Variants in HOXC9 observed in about 807,000 individuals in gnomAD.
HOXC9 encodes the protein homeobox C9.
A neutral mutation model predicts 20.0 loss-of-function variants in HOXC9; 10 were observed. That is an observed-to-expected ratio of 0.50 (90% CI 0.31 to 0.85). The LOEUF (loss-of-function observed/expected upper bound fraction) is 0.85, where lower values mean the gene tolerates loss of function less well. Among genes scored for constraint, HOXC9 ranks in the 40% least tolerant of loss-of-function variants. HOXC9 has a pLI of 0.05. For synonymous variants in HOXC9, 200 were observed against 163.7 expected (o/e 1.22, Z -1.69); for missense variants, 394 against 376.7 (o/e 1.05, Z -0.38).
intron 1 of HOXC9, among the ~76,000 whole-genome samples, chr12:54,001,706 C>T (rs185290082): frequency 2.6e-5 from 4 of 152,210 alleles, no homozygotes; most frequent in Admixed American, 6.5e-5. Flanking sequence ...TGAAGGCTTC[C>T]CTCCCTGCCC....
At chr12:54,001,846 C>A (rs1005614969) in intron 1 of HOXC9, among the ~76,000 whole-genome samples, 2 of 152,132 alleles carry the variant, frequency 1.3e-5, no homozygotes, top group Non-Finnish European at 2.9e-5. Flanking sequence ...CCAAGGCCAG[C>A]GGCTCTCTGG....
chr12:54,001,432 A>C (rs1159177783), intron 1 of HOXC9, among the ~76,000 whole-genome samples: 3 of 142,344 alleles, frequency 2.1e-5, no homozygotes, highest in Non-Finnish European at 4.6e-5. Context: ...AGAATTCTAC[A>C]CACACACACA....
In HOXC9 at chr12:54,002,857, G is replaced by A. The variant is rs1181631742; in HGVS notation, c.*183G>A. 4 of 636,342 alleles carry A rather than the reference G, an allele frequency of 6.3e-6. No homozygotes were observed. Among genetic ancestry groups the A allele is most frequent in the Non-Finnish European group, 7.6e-6 (3 of 396,690 alleles). 39.4% of individuals were successfully genotyped at this position (636,342 alleles called of 1,614,324 possible). A position where few individuals can be genotyped will look rare whatever the true frequency, so the allele number is the denominator to read the frequency against. On this transcript the variant is annotated 3_prime_UTR_variant, in exon 2 of 2. Transcript: ENST00000303450. ...AACTCTTGCGATTTGGGAGGGTTCA[G>A]TGTTGAGATATTGGTGTTTTAGAGT...
chr12:54,001,721 C>T (rs926017429), intron 1 of HOXC9, among the ~76,000 whole-genome samples: 1 of 152,110 alleles, frequency 6.6e-6, no homozygotes, highest in Non-Finnish European at 1.5e-5. Context: ...CTGCCCTCAG[C>T]TACTCCCATA....
chr12:54,000,815 G>A (rs1002918458), intron 1 of HOXC9, 89 bp downstream of exon 1: 76 of 1,222,684 alleles, frequency 6.2e-5, no homozygotes, highest in Admixed American at 1.4e-4. Flanking sequence ...CTCCCGAACC[G>A]TGCAGGGAGC....
In HOXC9 at chr12:54,000,445, T is replaced by TCGGCGC. The variant is rs1353488569; in HGVS notation, c.260_265dup (p.Gly87_Ala88dup). Reference sequence around the variant, plus strand: ...CACCCGTACGGCCCCCAGCCCCACCTCGGCGCCGACACGCGCTACATGCGG... The same window carrying TCGGCGC: ...CACCCGTACGGCCCCCAGCCCCACCTCGGCGCCGGCGCCGACACGCGCTACATGCGG... On this transcript the variant is annotated inframe_insertion, in exon 1 of 2. Transcript: ENST00000303450. The TCGGCGC allele has an allele frequency of 6.2e-7, 1 of 1,605,834 alleles. No individual in the cohort carries two copies. The highest frequency in any genetic ancestry group is 1.3e-5 in the African/African-American group (1 of 75,028).
intron 1 of HOXC9, among the ~76,000 whole-genome samples, chr12:54,002,099 G>C (rs1473043592): frequency 6.6e-6 from 1 of 152,096 alleles, no homozygotes; most frequent in Non-Finnish European, 1.5e-5. Context: ...ACAAGAGAGA[G>C]AAGCGTTTAT....
Position 54,002,628 on chromosome 12 carries a change from A to C in HOXC9, c.737A>C (p.Lys246Thr), listed in dbSNP as rs759123272. The C allele has an allele frequency of 6.2e-7, 1 of 1,614,140 alleles. No homozygotes were observed. Among genetic ancestry groups the C allele is most frequent in the Non-Finnish European group, 8.5e-7 (1 of 1,179,998 alleles). Residue 246 changes from lysine to threonine, a missense_variant, in exon 2 of 2, where the codon AAG becomes ACG. Physicochemically the swap from Lys to Thr is moderately conservative, Grantham distance 78. Coordinates refer to ENST00000303450, the MANE Select transcript of HOXC9 (RefSeq NM_006897.3). ...VKIWFQNRRM[K>T]MKKMNKEKTD... Reference sequence around the variant, plus strand: ...ATCTGGTTTCAGAATCGAAGGATGAAGATGAAAAAGATGAATAAAGAGAAA... The same window carrying C: ...ATCTGGTTTCAGAATCGAAGGATGACGATGAAAAAGATGAATAAAGAGAAA...
Position 54,000,355 on chromosome 12 carries a change from C to T in HOXC9, c.167C>T (p.Ala56Val), listed in dbSNP as rs1424545623. 21 of 1,613,812 alleles carry T rather than the reference C, an allele frequency of 1.3e-5. No homozygotes were observed. Among genetic ancestry groups the T allele is most frequent in the Non-Finnish European group, 1.5e-5 (18 of 1,180,052 alleles). Residue 56 changes from alanine (A) to valine (V), a missense_variant, in exon 1 of 2, where the codon GCG becomes GTG. Ala to Val is a moderately conservative substitution (Grantham distance 64). Transcript: ENST00000303450. ...AGCGATTTTCCGTCCTGTAGCTTCGCGCCCAAGCCGGCAGTGTTCAGCACG... is the reference window on the plus strand; with the variant it reads ...AGCGATTTTCCGTCCTGTAGCTTCGTGCCCAAGCCGGCAGTGTTCAGCACG... ...DCSDFPSCSF[A>V]PKPAVFSTSW...
Position 54,002,535 on chromosome 12 carries a change from T to C in HOXC9, c.644T>C (p.Met215Thr), listed in dbSNP as rs201378386. Residue 215 changes from methionine to threonine, a missense_variant, in exon 2 of 2, where the codon ATG (methionine) becomes ACG (threonine). By Grantham distance (81) the Met-to-Thr change is moderately conservative (BLOSUM62 -1). Coordinates refer to ENST00000303450, the MANE Select transcript of HOXC9 (RefSeq NM_006897.3). Reference protein sequence around the residue: ...LELEKEFLFNMYLTRDRRYEV... With the variant: ...LELEKEFLFNTYLTRDRRYEV... ...CTGGAGAAGGAGTTTCTCTTCAATA[T>C]GTATTTAACCAGGGACCGTCGGTAT... 346 of 1,614,184 alleles carry C rather than the reference T, an allele frequency of 2.1e-4. 3 individuals carry two copies. Among genetic ancestry groups the C allele is most frequent in the Non-Finnish European group, 2.7e-5 (32 of 1,180,038 alleles).
Position 54,002,473 on chromosome 12 carries a change from G to A in HOXC9, c.582G>A (p.Lys194=), listed in dbSNP as rs1434800823. The change falls in exon 2 of 2, where the codon AAG becomes AAA. Residue 194 remains lysine, a synonymous_variant. Coordinates refer to ENST00000303450, the MANE Select transcript of HOXC9 (RefSeq NM_006897.3). ...GGATTCACGCCCGCTCCACGAGGAA[G>A]AAGCGCTGCCCCTACACCAAGTACC... is the stretch of plus-strand genomic sequence containing the variant. ...ANWIHARSTR[K]KRCPYTKYQT... is the part of the protein sequence containing the mutation. The A allele has an allele frequency of 1.2e-6, 2 of 1,614,062 alleles. No homozygotes were observed. Among genetic ancestry groups the A allele is most frequent in the Non-Finnish European group, 1.7e-6 (2 of 1,180,028 alleles).
intron 1 of HOXC9, among the ~76,000 whole-genome samples, chr12:54,001,239 G>A (rs1288984996): frequency 1.3e-5 from 2 of 152,040 alleles, no homozygotes; most frequent in Non-Finnish European, 2.9e-5. Context: ...CAGGAGCACT[G>A]GGTGAGGGGT....
chr12:54,001,999 T>C (rs1438717634), intron 1 of HOXC9, among the ~76,000 whole-genome samples: 3 of 151,892 alleles, frequency 2.0e-5, no homozygotes, highest in African/African-American at 7.2e-5. Context: ...ACTGCTAAAA[T>C]TTCAGGACTT....
intron 1 of HOXC9, among the ~76,000 whole-genome samples, chr12:54,002,194 G>A (rs993878038): frequency 6.6e-6 from 1 of 152,162 alleles, no homozygotes; most frequent in African/African-American, 2.4e-5. Context: ...CAGACTAGAG[G>A]GGCTTTGATA....
At chr12:54,002,279 G>A (rs1939763441) in intron 1 of HOXC9, 151 bp from the exon 2 acceptor site, 6 of 935,226 alleles carry the variant, frequency 6.4e-6, no homozygotes, top group South Asian at 1.8e-5. Context: ...AATGCAAAAC[G>A]AGGAAGGAGG....
Position 54,000,536 on chromosome 12 carries a change from C to CGCCCTCAA in HOXC9, c.352_359dup (p.Asp121SerfsTer100). The CGCCCTCAA allele has an allele frequency of 6.4e-7, 1 of 1,570,086 alleles. No homozygotes were observed. Among genetic ancestry groups the CGCCCTCAA allele is most frequent in the Non-Finnish European group, 8.6e-7 (1 of 1,165,234 alleles). On this transcript the variant is annotated frameshift_variant, in exon 1 of 2. Transcript: ENST00000303450. LOFTEE classifies it high-confidence loss of function. Reference sequence around the variant, plus strand: ...GCTTCCCGGCCGGGGGCCGTCACTACGCCCTCAAGCCGGACGCCTACCCCG... The same window carrying CGCCCTCAA: ...GCTTCCCGGCCGGGGGCCGTCACTACGCCCTCAAGCCCTCAAGCCGGACGCCTACCCCG...
At position 54,000,262 on chromosome 12, in the gene HOXC9, C is replaced by A. The variant is rs1329443550; in HGVS notation, c.74C>A (p.Ala25Glu). The change falls in exon 1 of 2, where the codon GCG (alanine) becomes GAG (glutamate). Residue 25 changes from alanine to glutamate, a missense_variant. Coordinates refer to ENST00000303450, the MANE Select transcript of HOXC9 (RefSeq NM_006897.3). ...LISHDNEDLLASRFPATGAHP... is the reference protein window; with the variant it reads ...LISHDNEDLLESRFPATGAHP... Reference sequence around the variant, plus strand: ...TCTCACGACAATGAAGACCTCCTAGCGTCCAGGTTTCCGGCCACCGGGGCT... The same window carrying A: ...TCTCACGACAATGAAGACCTCCTAGAGTCCAGGTTTCCGGCCACCGGGGCT... 9.9e-6 allele frequency: 16 copies of A among 1,614,070 alleles called. No homozygotes were observed. In the East Asian group the frequency reaches 3.6e-4, roughly 36 times the overall value.
chr12:54,000,552 G>A lies in HOXC9; in HGVS notation c.364G>A (p.Ala122Thr). The change falls in exon 1 of 2, where the codon GCC becomes ACC. Residue 122 changes from alanine (A) to threonine (T), a missense_variant. Coordinates refer to ENST00000303450, the MANE Select transcript of HOXC9 (RefSeq NM_006897.3). ...CCGTCACTACGCCCTCAAGCCGGAC[G>A]CCTACCCCGGGCGCCGCGCGGACTG... ...GGRHYALKPDAYPGRRADCGP... is the reference protein window; with the variant it reads ...GGRHYALKPDTYPGRRADCGP... 7 of 1,545,176 alleles carry A rather than the reference G, an allele frequency of 4.5e-6. No homozygotes were observed. The highest frequency in any genetic ancestry group is 4.3e-6 in the Non-Finnish European group (5 of 1,152,890).
Position 54,002,435 on chromosome 12 carries a change from C to G in HOXC9, c.544C>G (p.Pro182Ala). ...EEKADLDPSN[P>A]VANWIHARST... ...GCTTGTGTTTGGCCCTCCAGGCAACCCCGTGGCCAACTGGATTCACGCCCG... is the reference window on the plus strand; with the variant it reads ...GCTTGTGTTTGGCCCTCCAGGCAACGCCGTGGCCAACTGGATTCACGCCCG... The change falls in exon 2 of 2, where the codon CCC becomes GCC. Residue 182 changes from proline to alanine, a missense_variant. Physicochemically the swap from Pro to Ala is conservative, Grantham distance 27 (BLOSUM62 -1). Coordinates refer to ENST00000303450, the MANE Select transcript of HOXC9 (RefSeq NM_006897.3). The G allele has an allele frequency of 6.2e-7, 1 of 1,613,522 alleles. No individual in the cohort carries two copies. The highest frequency in any genetic ancestry group is 8.5e-7 in the Non-Finnish European group (1 of 1,179,640).
Sources: gnomAD v4.1 joint callset for allele counts (sites outside exome capture counted in the v4.1 genomes callset) on GRCh38, gnomAD v4.1.1 for gene constraint, MANE v1.5 for transcripts, NCBI Gene and HGNC (gene_info 2026-07-23, HGNC 2026-07-21) for gene names.